The following KATNAL2 variants were observed in gnomAD, a reference collection of about 807,000 sequenced individuals.
KATNAL2 encodes katanin catalytic subunit A1 like 2, also known as katanin p60 ATPase-containing subunit A-like 2.
A neutral mutation model predicts 76.3 loss-of-function variants in KATNAL2; 52 were observed. The ratio of observed to expected loss-of-function variants is 0.68; its 90% CI spans 0.55 to 0.86. The LOEUF is 0.86. Ranked by LOEUF, KATNAL2 falls within the 40% of genes least tolerant of loss-of-function variation. The pLI, the probability that KATNAL2 is intolerant of heterozygous loss-of-function variation, is 0.00. For missense variants in KATNAL2, 660 were observed against 668.9 expected (o/e 0.99, Z 0.15); for synonymous variants, 243 against 244.2 (o/e 1.00, Z 0.05).
intron 15 of KATNAL2, among the ~76,000 whole-genome samples, chr18:47,083,351 A>G (rs1377388314): frequency 6.6e-6 from 1 of 152,234 alleles, no homozygotes; most frequent in Non-Finnish European, 1.5e-5. Context: ...GGAAATAACT[A>G]AATCATACCA....
intron 1 of KATNAL2, among the ~76,000 whole-genome samples, chr18:46,936,040 C>A (rs1486305943): frequency 1.3e-5 from 2 of 152,144 alleles, no homozygotes; most frequent in African/African-American, 4.8e-5. Flanking sequence ...TAAACAATTT[C>A]AAGTTTGTAT....
intron 3 of KATNAL2, among the ~76,000 whole-genome samples, chr18:47,025,473 T>A (rs1487553461): frequency 6.6e-6 from 1 of 152,340 alleles, no homozygotes; most frequent in Non-Finnish European, 1.5e-5. Flanking sequence ...ATGTTTACAT[T>A]CTCACATGAC....
At chr18:47,099,215 T>A (rs1198791187) in intron 15 of KATNAL2, 28 bp from the exon 16 acceptor site, 1 of 1,591,990 alleles carries the variant, frequency 6.3e-7, no homozygotes, top group South Asian at 1.1e-5. Context: ...TGCAGCCCTG[T>A]CCAGCTCCAT....
intron 3 of KATNAL2, chr18:47,028,318 TGCC>T: frequency 8.6e-6 from 1 of 116,614 alleles, no homozygotes; most frequent in Non-Finnish European, 1.3e-5. Flanking sequence ...CGGTTGCTGC[TGCC>T]GCCGCCGCTC....
chr18:46,959,590 T>G (rs1209740520), intron 3 of KATNAL2, among the ~76,000 whole-genome samples: 1 of 152,240 alleles, frequency 6.6e-6, no homozygotes, highest in Admixed American at 6.5e-5. Context: ...TAATTTTTTT[T>G]GGAGACAGAG....
chr18:47,099,699 T>G (rs1247813359), intron 16 of KATNAL2, among the ~76,000 whole-genome samples: 1 of 152,180 alleles, frequency 6.6e-6, no homozygotes, highest in African/African-American at 2.4e-5. Flanking sequence ...GAGAAGTCAC[T>G]TACTCTTTGA....
At position 46,943,224 on chromosome 18, in the gene KATNAL2, A is replaced by AT. The variant is rs1003149044; in HGVS notation, c.-509-2825dup. ...GGAGACTCCTATACAAATTTCTAGA[A>AT]TTTTTTTTCTGTGTACTCATTCTTT... On this transcript the variant is annotated intron_variant, in intron 1 of 17. Transcript: ENST00000683218. 1.7e-3 allele frequency among the ~76,000 whole-genome samples: 259 copies of AT among 151,918 alleles called. 1 individual carries two copies. The highest frequency in any genetic ancestry group is 5.9e-3 in the African/African-American group (243 of 41,398).
rs111537042 is a variant in KATNAL2, at chr18:47,083,597, C to T, written c.1211+6136C>T. ...CCCTTCTCCTCCAAAGAGCACCTTC[C>T]CTAGTCTATAGCATCACAGAGAGGA... is the stretch of plus-strand genomic sequence containing the variant. On this transcript the variant is annotated intron_variant, in intron 15 of 17. Transcript: ENST00000683218. Among the ~76,000 whole-genome samples the T allele has an allele frequency of 5.5e-3, 837 of 152,270 alleles. 11 individuals carry two copies. The highest frequency in any genetic ancestry group is 0.019 in the African/African-American group (810 of 41,552).
intron 3 of KATNAL2, chr18:47,033,652 C>T: frequency 6.2e-7 from 1 of 1,614,104 alleles, no homozygotes; most frequent in East Asian, 2.2e-5. Context: ...CGGATTGTTT[C>T]TAAGCACCTG....
At chr18:46,925,788 C>T (rs1878696658) in intron 1 of KATNAL2, among the ~76,000 whole-genome samples, 1 of 152,120 alleles carries the variant, frequency 6.6e-6, no homozygotes, top group South Asian at 2.1e-4. Flanking sequence ...TTCAGAGATT[C>T]AACTTCTTCC....
intron 13 of KATNAL2, among the ~76,000 whole-genome samples, chr18:47,070,519 G>GT (rs1293144809): frequency 6.6e-6 from 1 of 152,120 alleles, no homozygotes; most frequent in Non-Finnish European, 1.5e-5. Flanking sequence ...TCCATTTATG[G>GT]TTTAGGTCCC....
intron 3 of KATNAL2, among the ~76,000 whole-genome samples, chr18:47,031,472 G>T (rs1039665347): frequency 1.3e-5 from 2 of 152,108 alleles, no homozygotes; most frequent in Non-Finnish European, 2.9e-5. Context: ...TCTGCAGAAA[G>T]AAAATCATTA....
intron 9 of KATNAL2, 35 bp downstream of exon 9, chr18:47,063,105 T>C (rs758043263): frequency 6.4e-7 from 1 of 1,570,056 alleles, no homozygotes; most frequent in Non-Finnish European, 8.8e-7. Flanking sequence ...ATCTTTCAAA[T>C]TGCCAACATC....
At chr18:46,950,846 G>A (rs1021623528) in intron 3 of KATNAL2, among the ~76,000 whole-genome samples, 7 of 152,106 alleles carry the variant, frequency 4.6e-5, no homozygotes, top group East Asian at 1.9e-4. Flanking sequence ...CACCACACCC[G>A]GCTAATTTTG....
chr18:46,940,208 C>T (rs1224517245), intron 1 of KATNAL2, among the ~76,000 whole-genome samples: 2 of 152,194 alleles, frequency 1.3e-5, no homozygotes, highest in African/African-American at 4.8e-5. Flanking sequence ...TGTGGGGCTA[C>T]AGGAAGGCCA....
At chr18:46,962,116 C>CCTGCAGACTTCTCTTGCCTCCTGG (rs1476740764) in intron 3 of KATNAL2, among the ~76,000 whole-genome samples, 18 of 150,694 alleles carry the variant, frequency 1.2e-4, no homozygotes, top group African/African-American at 3.0e-4. Context: ...GATTTTGGCT[C>CCTGCAGACTTCTCTTGCCTCCTGG]AGCCCTCTAA....
chr18:47,072,164 G>C (rs967045796), intron 13 of KATNAL2, among the ~76,000 whole-genome samples: 1 of 151,484 alleles, frequency 6.6e-6, no homozygotes, highest in Admixed American at 6.6e-5. Context: ...CACCATATTG[G>C]CCAGGCTGGT....
chr18:47,033,760 G>A (rs2060611646), intron 3 of KATNAL2: 1 of 1,614,242 alleles, frequency 6.2e-7, no homozygotes, highest in Non-Finnish European at 8.5e-7. Context: ...TCCAGGGAAA[G>A]CAGCTTCCTC....
At chr18:47,046,635 T>A (rs1302504713) in intron 4 of KATNAL2, 108 bp downstream of exon 4, 2 of 810,458 alleles carry the variant, frequency 2.5e-6, no homozygotes, top group Non-Finnish European at 3.9e-6. Flanking sequence ...AGAGCAATTC[T>A]ATATTTACAG....
Sources: gnomAD v4.1 joint callset for allele counts (sites outside exome capture counted in the v4.1 genomes callset) on GRCh38, gnomAD v4.1.1 for gene constraint, MANE v1.5 for transcripts, NCBI Gene and HGNC (gene_info 2026-07-23, HGNC 2026-07-21) for gene names.